Variants in FBXL2 observed in about 807,000 individuals in gnomAD.
FBXL2 encodes F-box and leucine rich repeat protein 2.
Under a neutral mutation model 69.2 loss-of-function variants are expected in FBXL2, and 38 were observed. The observed-to-expected ratio is 0.55, with a 90% confidence interval of 0.42 to 0.72. The LOEUF (loss-of-function observed/expected upper bound fraction) is 0.72. Among genes scored for constraint, FBXL2 ranks in the 30% least tolerant of loss-of-function variants. FBXL2 has a pLI of 0.00. For missense variants in FBXL2, 354 were observed against 520.3 expected (o/e 0.68, Z 3.11); for synonymous variants, 192 against 201.3 (o/e 0.95, Z 0.39).
intron 2 of FBXL2, among the ~76,000 whole-genome samples, chr3:33,347,873 T>A (rs2040560916): frequency 6.6e-6 from 1 of 152,056 alleles, no homozygotes; most frequent in Non-Finnish European, 1.5e-5. Context: ...ATTGTTAGAT[T>A]TTTTTTTCCT....
At chr3:33,394,698 C>G (rs1575447653) in intron 12 of FBXL2, among the ~76,000 whole-genome samples, 3 of 152,184 alleles carry the variant, frequency 2.0e-5, no homozygotes, top group African/African-American at 7.2e-5. Flanking sequence ...GTATAGAAAC[C>G]CAGAATTTTC....
In FBXL2 at chr3:33,387,634, C is replaced by CAAAA. The variant is rs556681724; in HGVS notation, c.*2027_*2030dup. The CAAAA allele has an allele frequency of 6.7e-5, 10 of 149,360 alleles. No individual in the cohort carries two copies. Among genetic ancestry groups the CAAAA allele is most frequent in the South Asian group, 4.3e-4 (2 of 4,688 alleles). The allele number at this position is 149,360 out of a possible 1,614,324, so 9.3% of individuals were successfully genotyped here. A position where few individuals can be genotyped will look rare whatever the true frequency, so the allele number is the denominator to read the frequency against. ...TCTCAAAACAAAACAAACAAACAAA[C>CAAAA]AAAACAAACCACCAGAGCCTTCTAT... On this transcript the variant is annotated 3_prime_UTR_variant, in exon 15 of 15. Coordinates refer to ENST00000484457, the MANE Select transcript of FBXL2 (RefSeq NM_012157.5).
intron 12 of FBXL2, chr3:33,400,099 T>C (rs1187364378): frequency 1.5e-5 from 12 of 822,046 alleles, no homozygotes; most frequent in Non-Finnish European, 1.9e-5. Context: ...TCCATAGTTA[T>C]TTCAAAATTT....
intron 2 of FBXL2, among the ~76,000 whole-genome samples, chr3:33,345,949 A>T (rs1267047976): frequency 1.3e-5 from 2 of 152,202 alleles, no homozygotes; most frequent in Admixed American, 1.3e-4. Context: ...GAATCTGGCC[A>T]GGTGTGGTGG....
intron 1 of FBXL2, among the ~76,000 whole-genome samples, chr3:33,288,390 G>A (rs1052466362): frequency 4.6e-5 from 7 of 152,150 alleles, no homozygotes; most frequent in African/African-American, 1.7e-4. Context: ...TCTAGTGGCA[G>A]GGAGACAGAT....
chr3:33,281,740 A>C (rs1051683505), intron 1 of FBXL2, among the ~76,000 whole-genome samples: 127 of 152,072 alleles, frequency 8.4e-4, no homozygotes, highest in Non-Finnish European at 1.5e-3. Context: ...CGCCATTCTA[A>C]CTGGTGTGAG....
At chr3:33,408,784 G>A in the FBXL2 span, 1 of 1,613,632 alleles carries the variant, frequency 6.2e-7, no homozygotes, top group Non-Finnish European at 8.5e-7. Flanking sequence ...TTCAATTATA[G>A]GCTCAAGCCT....
chr3:33,399,751 T>C (rs1353174192), intron 12 of FBXL2, among the ~76,000 whole-genome samples: 1 of 152,212 alleles, frequency 6.6e-6, no homozygotes, highest in Non-Finnish European at 1.5e-5. Flanking sequence ...TACAAATATC[T>C]ATACCATAAC....
chr3:33,419,446 A>G, the FBXL2 span, among the ~76,000 whole-genome samples: 5 of 151,852 alleles, frequency 3.3e-5, no homozygotes, highest in East Asian at 7.8e-4. Context: ...TGGCCAACAC[A>G]GTGAAACCCC....
At chr3:33,393,102 TAAGCC>T in intron 12 of FBXL2, 1 of 527,530 alleles carries the variant, frequency 1.9e-6, no homozygotes, top group Non-Finnish European at 3.1e-6. Context: ...GGGGGGAGGC[TAAGCC>T]AGTTTTCCTT....
rs368109214 is a variant in FBXL2 at position 33,310,361 on chromosome 3, A to G, written c.65+12636A>G. Among the ~76,000 whole-genome samples the G allele has an allele frequency of 5.3e-5, 8 of 152,092 alleles. No homozygotes were observed. In the East Asian group the frequency reaches 1.4e-3, roughly 26 times the overall value. ...GAGATGGGGTTTCACCATTGTTACC[A>G]AGGCTGGTCTCGAACTCCTGAACTC... On this transcript the variant is annotated intron_variant, in intron 2 of 14. Coordinates refer to ENST00000484457, the MANE Select transcript of FBXL2 (RefSeq NM_012157.5).
At chr3:33,290,697 C>G (rs4555475) in intron 1 of FBXL2, among the ~76,000 whole-genome samples, 2 of 152,250 alleles carry the variant, frequency 1.3e-5, no homozygotes, top group South Asian at 4.1e-4. Context: ...CATTCAAGAT[C>G]TGTGGGACAA....
At chr3:33,335,643 G>A (rs1402314030) in intron 2 of FBXL2, among the ~76,000 whole-genome samples, 3 of 152,128 alleles carry the variant, frequency 2.0e-5, no homozygotes, top group East Asian at 1.9e-4. Flanking sequence ...CAAAAGGGAC[G>A]TATTTCATGT....
At chr3:33,324,760 T>G in intron 2 of FBXL2, among the ~76,000 whole-genome samples, 1 of 152,210 alleles carries the variant, frequency 6.6e-6, no homozygotes, top group East Asian at 1.9e-4. Flanking sequence ...TTGTTCTTGT[T>G]GCTTAGGAGT....
At chr3:33,330,746 A>G (rs1159011918) in intron 2 of FBXL2, among the ~76,000 whole-genome samples, 1 of 152,058 alleles carries the variant, frequency 6.6e-6, no homozygotes, top group Non-Finnish European at 1.5e-5. Context: ...GAGATTAGCC[A>G]GGTGTAGTGG....
chr3:33,308,559 C>T (rs539943086), intron 2 of FBXL2, among the ~76,000 whole-genome samples: 92 of 152,288 alleles, frequency 6.0e-4, no homozygotes, highest in African/African-American at 2.0e-3. Flanking sequence ...TGTAAGTACT[C>T]ATTTGCTTTA....
intron 2 of FBXL2, among the ~76,000 whole-genome samples, chr3:33,320,865 T>G (rs2038141300): frequency 6.6e-6 from 1 of 152,040 alleles, no homozygotes; most frequent in Non-Finnish European, 1.5e-5. Flanking sequence ...ATTAAAAACT[T>G]TATTCATCAA....
chr3:33,411,533 A>C, the FBXL2 span: 1 of 1,502,704 alleles, frequency 6.7e-7, no homozygotes. Flanking sequence ...TCCTACCATG[A>C]CCTAAATAAC....
At chr3:33,415,037 T>C in the FBXL2 span, among the ~76,000 whole-genome samples, 1 of 152,238 alleles carries the variant, frequency 6.6e-6, no homozygotes, top group East Asian at 1.9e-4. Flanking sequence ...TAAATGTTTT[T>C]ACATGTTTTA....
Sources: allele counts gnomAD v4.1 joint callset (sites outside exome capture counted in the v4.1 genomes callset), GRCh38; gene constraint gnomAD v4.1.1; transcripts MANE v1.5; gene names NCBI Gene and HGNC (gene_info 2026-07-23, HGNC 2026-07-21).